The following PTCSC3 variants were observed in gnomAD, a reference collection of about 807,000 sequenced individuals.
PTCSC3 encodes papillary thyroid carcinoma susceptibility candidate 3, also known as papillary thyroid carcinoma susceptibility candidate 3 (non-protein coding).
chr14:36,173,303 CAT>C (rs1168225194), intron 1 of PTCSC3, among the ~76,000 whole-genome samples: 5 of 151,968 alleles, frequency 3.3e-5, no homozygotes, highest in Middle Eastern at 3.2e-3. Flanking sequence ...AAACTCTACA[CAT>C]ATTAGATGAG....
intron 1 of PTCSC3, among the ~76,000 whole-genome samples, chr14:36,173,541 A>T (rs1882226631): frequency 6.6e-6 from 1 of 151,054 alleles, no homozygotes; most frequent in South Asian, 2.1e-4. Flanking sequence ...TACAAGGGCC[A>T]AATATTAAGA....
At chr14:36,168,232 G>T (rs975010673) in intron 1 of PTCSC3, among the ~76,000 whole-genome samples, 5 of 151,748 alleles carry the variant, frequency 3.3e-5, no homozygotes, top group African/African-American at 1.2e-4. Context: ...TCTAGAAAAT[G>T]GAATTAACTA....
chr14:36,146,339 G>T lies in PTCSC3; in HGVS notation n.322+7465C>A, dbSNP rs558848594. Among the ~76,000 whole-genome samples, 447 of 146,806 alleles carry T rather than the reference G, an allele frequency of 3.0e-3. 2 individuals are homozygous for T. The highest frequency in any genetic ancestry group is 0.01 in the African/African-American group (416 of 39,978). ...ACTCAGGACTTGCTTTATGAATCTG[G>T]GTGCTCCTATATTGGGTGCATATAT... is the stretch of plus-strand genomic sequence containing the variant. On this transcript the variant is annotated intron_variant and non_coding_transcript_variant, in intron 3 of 3. Transcript: ENST00000556013.
chr14:36,156,242 T>G (rs1490696952), intron 2 of PTCSC3, among the ~76,000 whole-genome samples: 1 of 152,212 alleles, frequency 6.6e-6, no homozygotes, highest in East Asian at 1.9e-4. Context: ...AGTGACTGAT[T>G]TTTATTAGTT....
At chr14:36,157,693 G>GC (rs1461664393) in intron 2 of PTCSC3, among the ~76,000 whole-genome samples, 4 of 152,088 alleles carry the variant, frequency 2.6e-5, no homozygotes, top group African/African-American at 9.7e-5. Context: ...GTAGTGTGAT[G>GC]CCCCCAGCTT....
At chr14:36,171,431 G>A (rs1882190491) in intron 1 of PTCSC3, among the ~76,000 whole-genome samples, 1 of 152,090 alleles carries the variant, frequency 6.6e-6, no homozygotes, top group South Asian at 2.1e-4. Context: ...GTGCTATACT[G>A]AAATCTGAAT....
intron 2 of PTCSC3, among the ~76,000 whole-genome samples, chr14:36,155,024 G>A (rs1161186274): frequency 1.3e-5 from 2 of 151,944 alleles, no homozygotes; most frequent in Non-Finnish European, 2.9e-5. Context: ...TTCTCTGCTG[G>A]AGCTTTTTCT....
intron 2 of PTCSC3, among the ~76,000 whole-genome samples, chr14:36,160,257 G>T (rs1262324588): frequency 6.6e-6 from 1 of 152,160 alleles, no homozygotes; most frequent in Non-Finnish European, 1.5e-5. Context: ...GTGTGAATTT[G>T]ATCCTGTCAT....
At chr14:36,164,020 T>G (rs78269748) in intron 1 of PTCSC3, 1 of 152,328 alleles carries the variant, frequency 6.6e-6, no homozygotes, top group East Asian at 1.9e-4. Flanking sequence ...GAAATAATTG[T>G]AATCAGGACA....
intron 2 of PTCSC3, among the ~76,000 whole-genome samples, chr14:36,158,392 G>C (rs941469066): frequency 2.6e-5 from 4 of 152,150 alleles, no homozygotes; most frequent in African/African-American, 4.8e-5. Flanking sequence ...CTGTGGGTTT[G>C]TCACAAATAG....
intron 3 of PTCSC3, among the ~76,000 whole-genome samples, chr14:36,148,695 C>T (rs1386014880): frequency 6.6e-6 from 1 of 152,158 alleles, no homozygotes; most frequent in African/African-American, 2.4e-5. Flanking sequence ...TCCCCCCATT[C>T]AATTTCTTTA....
chr14:36,163,742 T>C (rs922674283), intron 1 of PTCSC3, among the ~76,000 whole-genome samples: 2 of 152,158 alleles, frequency 1.3e-5, no homozygotes, highest in African/African-American at 2.4e-5. Flanking sequence ...CTTTTTAAAA[T>C]AGAACGGCAC....
At chr14:36,168,872 T>C (rs1882144104) in intron 1 of PTCSC3, among the ~76,000 whole-genome samples, 1 of 152,158 alleles carries the variant, frequency 6.6e-6, no homozygotes, top group Non-Finnish European at 1.5e-5. Flanking sequence ...CCTTTGTCCT[T>C]GGCCTCCTGA....
At chr14:36,150,705 C>G (rs537308263) in intron 3 of PTCSC3, among the ~76,000 whole-genome samples, 1 of 152,032 alleles carries the variant, frequency 6.6e-6, no homozygotes, top group Non-Finnish European at 1.5e-5. Context: ...AATTTTTAGG[C>G]CTTGACCTAG....
intron 3 of PTCSC3, among the ~76,000 whole-genome samples, chr14:36,138,930 C>T (rs1187099606): frequency 6.6e-6 from 1 of 151,780 alleles, no homozygotes; most frequent in Non-Finnish European, 1.5e-5. Context: ...CTGGCTAACA[C>T]GGTGAAACCC....
At chr14:36,173,076 C>G (rs1468839746) in intron 1 of PTCSC3, among the ~76,000 whole-genome samples, 1 of 151,950 alleles carries the variant, frequency 6.6e-6, no homozygotes, top group African/African-American at 2.4e-5. Flanking sequence ...ATAGTAGGCC[C>G]TTTTATCAGA....
At chr14:36,152,830 G>T (rs548038336) in intron 3 of PTCSC3, among the ~76,000 whole-genome samples, 43 of 151,386 alleles carry the variant, frequency 2.8e-4, no homozygotes, top group Admixed American at 1.3e-4. Flanking sequence ...GGAGGTGGAG[G>T]TTGCAGTGAG....
At chr14:36,150,933 T>C (rs1046323937) in intron 3 of PTCSC3, among the ~76,000 whole-genome samples, 3 of 96,620 alleles carry the variant, frequency 3.1e-5, no homozygotes, top group Non-Finnish European at 8.0e-5. Flanking sequence ...ATAAGAAAGG[T>C]ATTTTTTTAA....
At chr14:36,141,611 C>T (rs926379041) in intron 3 of PTCSC3, among the ~76,000 whole-genome samples, 3 of 151,970 alleles carry the variant, frequency 2.0e-5, no homozygotes, top group Admixed American at 2.0e-4. Context: ...CCTCAGGCTC[C>T]CAAAGTGCTG....
Sources: allele counts gnomAD v4.1 joint callset (sites outside exome capture counted in the v4.1 genomes callset), GRCh38; gene constraint gnomAD v4.1.1; transcripts MANE v1.5; gene names NCBI Gene and HGNC (gene_info 2026-07-23, HGNC 2026-07-21).